Variants in EIF4G3 observed in about 807,000 individuals in gnomAD.
EIF4G3 encodes eukaryotic translation initiation factor 4 gamma 3, also known as eIF-4-gamma 3.
A neutral mutation model predicts 186.4 loss-of-function variants in EIF4G3; 34 were observed. The ratio of observed to expected loss-of-function variants is 0.18; its 90% confidence interval spans 0.14 to 0.24. The LOEUF (loss-of-function observed/expected upper bound fraction) is 0.24. EIF4G3 is among the 10% of genes least tolerant of loss of function. EIF4G3 has a pLI of 1.00. For synonymous variants in EIF4G3, 673 were observed against 679.5 expected (o/e 0.99, Z 0.15); for missense variants, 1,536 against 1,948.5 (o/e 0.79, Z 3.99).
In EIF4G3 at chr1:20,943,970, TTTTTTGTGTGTGTGTGTGTGTGTGTG is replaced by T. The variant is rs1489873970; in HGVS notation, c.824-1666_824-1641del. 8.1e-3 allele frequency among the ~76,000 whole-genome samples: 648 copies of T among 80,388 alleles called. 8 individuals carry two copies. Among genetic ancestry groups the T allele is most frequent in the Non-Finnish European group, 0.01 (433 of 42,794 alleles). The allele number at this position is 80,388 out of a possible 152,430, so 52.7% of individuals were successfully genotyped here. On this transcript the variant is annotated intron_variant, in intron 13 of 36. Coordinates refer to ENST00000602326, the MANE Select transcript of EIF4G3 (RefSeq NM_001391906.1). Reference sequence around the variant, plus strand: ...TATTTCAGGAAAACTTGTCTTTATTTTTTTTGTGTGTGTGTGTGTGTGTGTGTGTGTGTGTGTGTGTGTGTGTGTGT... The same window carrying T: ...TATTTCAGGAAAACTTGTCTTTATTTTGTGTGTGTGTGTGTGTGTGTGTGT...
chr1:20,909,778 A>ATTTT (rs35293207), intron 14 of EIF4G3, among the ~76,000 whole-genome samples: 1 of 129,366 alleles, frequency 7.7e-6, no homozygotes, highest in Non-Finnish European at 1.6e-5. Flanking sequence ...CAATCTGCTA[A>ATTTT]TTTTTTTTTT....
chr1:21,081,679 A>G (rs897669069), intron 3 of EIF4G3, among the ~76,000 whole-genome samples: 4 of 105,860 alleles, frequency 3.8e-5, no homozygotes, highest in African/African-American at 1.1e-4. Flanking sequence ...GCCTTGCTCT[A>G]TTGCCCAAGC....
At chr1:21,009,273 T>C (rs916857209) in intron 4 of EIF4G3, among the ~76,000 whole-genome samples, 25 of 152,160 alleles carry the variant, frequency 1.6e-4, no homozygotes, top group African/African-American at 5.5e-4. Context: ...CTCAGCCTCT[T>C]GGGCTTAAGC....
intron 1 of EIF4G3, 73 bp downstream of exon 1, chr1:21,176,649 G>A (rs1412660912): frequency 1.5e-5 from 7 of 458,478 alleles, no homozygotes; most frequent in Non-Finnish European, 2.8e-5. Flanking sequence ...ACCACCGGCT[G>A]CCGGTCTCCG....
At chr1:21,127,719 G>T (rs1272514121) in intron 2 of EIF4G3, among the ~76,000 whole-genome samples, 4 of 152,092 alleles carry the variant, frequency 2.6e-5, no homozygotes, top group Non-Finnish European at 5.9e-5. Context: ...TAATATTCAA[G>T]AAATTATCTC....
intron 2 of EIF4G3, among the ~76,000 whole-genome samples, chr1:21,125,882 C>G (rs1377011923): frequency 6.6e-6 from 1 of 151,182 alleles, no homozygotes; most frequent in African/African-American, 2.4e-5. Context: ...GAGGAATGTT[C>G]TATTACTTAT....
chr1:20,861,580 A>G (rs966629097), intron 23 of EIF4G3, among the ~76,000 whole-genome samples: 2 of 152,198 alleles, frequency 1.3e-5, no homozygotes, highest in African/African-American at 4.8e-5. Flanking sequence ...AGTTAAAGGT[A>G]TTTACTGTGG....
chr1:21,147,733 GA>G (rs1196154159), intron 2 of EIF4G3, among the ~76,000 whole-genome samples: 1 of 151,910 alleles, frequency 6.6e-6, no homozygotes, highest in Non-Finnish European at 1.5e-5. Context: ...AAACAAGGGA[GA>G]AAAAAATAAG....
intron 12 of EIF4G3, among the ~76,000 whole-genome samples, chr1:20,966,235 A>C (rs1266810567): frequency 6.6e-6 from 1 of 152,308 alleles, no homozygotes; most frequent in South Asian, 2.1e-4. Context: ...TTTACTGTTG[A>C]ATCCTAAATT....
At chr1:21,007,740 C>T (rs1205488867) in intron 4 of EIF4G3, among the ~76,000 whole-genome samples, 1 of 151,678 alleles carries the variant, frequency 6.6e-6, no homozygotes, top group Non-Finnish European at 1.5e-5. Context: ...TCTGTCTTAA[C>T]TTTAAAAACT....
intron 10 of EIF4G3, among the ~76,000 whole-genome samples, chr1:20,974,784 G>C (rs1200042722): frequency 6.6e-6 from 1 of 152,112 alleles, no homozygotes; most frequent in East Asian, 1.9e-4. Context: ...AGAAAGAATT[G>C]CTAGAGTAAT....
At chr1:21,014,096 G>C (rs2088072829) in intron 4 of EIF4G3, among the ~76,000 whole-genome samples, 6 of 152,148 alleles carry the variant, frequency 3.9e-5, no homozygotes, top group Admixed American at 3.3e-4. Context: ...TTGAACCTGG[G>C]AGGTGGAGGC....
At chr1:21,058,524 C>T (rs1263771077) in intron 3 of EIF4G3, among the ~76,000 whole-genome samples, 1 of 151,540 alleles carries the variant, frequency 6.6e-6, no homozygotes, top group East Asian at 1.9e-4. Context: ...TATAAACTTG[C>T]TTTTTCATTT....
At chr1:20,881,889 G>A (rs576652570) in intron 19 of EIF4G3, among the ~76,000 whole-genome samples, 1 of 151,654 alleles carries the variant, frequency 6.6e-6, no homozygotes, top group Non-Finnish European at 1.5e-5. Context: ...GAGGCCGGGT[G>A]CAGTGGCTCA....
At chr1:21,168,144 C>T (rs559071876) in intron 2 of EIF4G3, 288 of 430,836 alleles carry the variant, frequency 6.7e-4, no homozygotes, top group Middle Eastern at 1.4e-3. Context: ...TGGCTCACGC[C>T]TGTAATCCCA....
chr1:21,149,873 GAC>G (rs1364988211), intron 2 of EIF4G3, among the ~76,000 whole-genome samples: 1 of 152,192 alleles, frequency 6.6e-6, no homozygotes, highest in Non-Finnish European at 1.5e-5. Context: ...GTCATCAACT[GAC>G]ACAGACAGGT....
intron 2 of EIF4G3, among the ~76,000 whole-genome samples, chr1:21,138,469 T>C (rs145927072): frequency 2.0e-5 from 3 of 152,250 alleles, no homozygotes; most frequent in East Asian, 1.9e-4. Flanking sequence ...AGGTTGTACA[T>C]GTCAGAAGGT....
chr1:20,816,631 C>T (rs1403917451), intron 34 of EIF4G3, among the ~76,000 whole-genome samples: 6 of 100,806 alleles, frequency 6.0e-5, no homozygotes, highest in Admixed American at 4.8e-4. Flanking sequence ...GGGGGTCAGC[C>T]CCCCGCCCGG....
At chr1:20,875,864 A>T (rs568765908) in intron 20 of EIF4G3, among the ~76,000 whole-genome samples, 1 of 152,104 alleles carries the variant, frequency 6.6e-6, no homozygotes, top group Non-Finnish European at 1.5e-5. Context: ...GTAAGCCCAG[A>T]TCCTGCCACT....
Sources: allele counts gnomAD v4.1 joint callset (sites outside exome capture counted in the v4.1 genomes callset), GRCh38; gene constraint gnomAD v4.1.1; transcripts MANE v1.5; gene names NCBI Gene and HGNC (gene_info 2026-07-23, HGNC 2026-07-21).